ADAM10: variants seen among roughly 807,000 people sequenced by gnomAD.
The protein encoded by ADAM10 is disintegrin and metalloproteinase domain-containing protein 10.
ADAM10 carries 17 observed loss-of-function variants against 90.1 expected under a neutral mutation model. That is an observed-to-expected ratio of 0.19 (90% confidence interval 0.13 to 0.28). ADAM10 has a LOEUF of 0.28. Ranked by LOEUF, ADAM10 falls within the 10% of genes least tolerant of loss-of-function variation. ADAM10 has a pLI of 1.00. For synonymous variants in ADAM10, 310 were observed against 298.6 expected (o/e 1.04, Z -0.40); for missense variants, 610 against 914.3 (o/e 0.67, Z 4.29).
rs139846838 is a variant in ADAM10, at chr15:58,692,484, A to G, written c.207-10170T>C. 1.4e-3 allele frequency: 713 copies of G among 518,470 alleles called. 9 individuals are homozygous for G. The highest frequency in any genetic ancestry group is 0.012 in the African/African-American group (626 of 51,172). 32.1% of individuals were successfully genotyped at this position (518,470 alleles called of 1,614,324 possible). ...TCTTGGGCTTTTCTTTATCATCTTT[A>G]TCTTCCTCTTCTTTCTCACCTTTCT... On this transcript the variant is annotated intron_variant, in intron 2 of 15. Coordinates refer to ENST00000260408, the MANE Select transcript of ADAM10 (RefSeq NM_001110.4).
intron 4 of ADAM10, among the ~76,000 whole-genome samples, chr15:58,671,835 T>C (rs1342889659): frequency 6.6e-6 from 1 of 152,150 alleles, no homozygotes; most frequent in African/African-American, 2.4e-5. Flanking sequence ...CTTACTGTCA[T>C]TGTCTCTATT....
At chr15:58,713,420 T>G (rs1187413150) in intron 2 of ADAM10, among the ~76,000 whole-genome samples, 1 of 152,116 alleles carries the variant, frequency 6.6e-6, no homozygotes, top group African/African-American at 2.4e-5. Flanking sequence ...ACTCACTCAA[T>G]ATAACTAAAA....
intron 5 of ADAM10, among the ~76,000 whole-genome samples, chr15:58,654,178 G>C (rs535314882): frequency 6.6e-6 from 1 of 150,882 alleles, no homozygotes; most frequent in South Asian, 2.1e-4. Context: ...CTTTTATACT[G>C]TCTTCATTTC....
intron 1 of ADAM10, among the ~76,000 whole-genome samples, chr15:58,742,878 T>A (rs1899660527): frequency 1.3e-5 from 2 of 152,192 alleles, no homozygotes; most frequent in South Asian, 4.1e-4. Context: ...GGCAACATAG[T>A]GAGACCTCAT....
chr15:58,741,153 C>A (rs1004654009), intron 1 of ADAM10, among the ~76,000 whole-genome samples: 4 of 152,104 alleles, frequency 2.6e-5, no homozygotes, highest in Non-Finnish European at 5.9e-5. Context: ...TCAATACAAG[C>A]AAAAACAGAT....
At chr15:58,744,507 T>C (rs1442043031) in intron 1 of ADAM10, among the ~76,000 whole-genome samples, 2 of 152,226 alleles carry the variant, frequency 1.3e-5, no homozygotes, top group East Asian at 3.9e-4. Context: ...TCCACAATCA[T>C]CTAGAATAAA....
At chr15:58,636,452 T>C (rs964476925) in intron 8 of ADAM10, among the ~76,000 whole-genome samples, 1 of 152,214 alleles carries the variant, frequency 6.6e-6, no homozygotes, top group African/African-American at 2.4e-5. Context: ...TGAGGTATCA[T>C]ATATACCCAC....
intron 9 of ADAM10, among the ~76,000 whole-genome samples, chr15:58,632,247 G>T (rs1454684074): frequency 6.6e-6 from 1 of 152,154 alleles, no homozygotes; most frequent in Non-Finnish European, 1.5e-5. Flanking sequence ...TAATATCAAA[G>T]ATCGCTGTTA....
chr15:58,740,357 C>G (rs1899567100), intron 1 of ADAM10, among the ~76,000 whole-genome samples: 1 of 150,608 alleles, frequency 6.6e-6, no homozygotes, highest in African/African-American at 2.5e-5. Flanking sequence ...TGCAGTGAGC[C>G]AAGATCGCAC....
chr15:58,650,086 G>A (rs1158816766), intron 5 of ADAM10, among the ~76,000 whole-genome samples: 1 of 151,864 alleles, frequency 6.6e-6, no homozygotes, highest in Non-Finnish European at 1.5e-5. Flanking sequence ...AAGTTCTTTT[G>A]TTAATTTTCA....
At chr15:58,622,355 T>C (rs565428225) in intron 10 of ADAM10, among the ~76,000 whole-genome samples, 21 of 152,228 alleles carry the variant, frequency 1.4e-4, no homozygotes, top group Non-Finnish European at 2.8e-4. Context: ...GAATCAAGTT[T>C]CAAACCCAAG....
chr15:58,691,520 G>A (rs1343104842), intron 2 of ADAM10: 1 of 569,360 alleles, frequency 1.8e-6, no homozygotes, highest in Admixed American at 2.0e-5. Flanking sequence ...CAGACTGGAA[G>A]GTGTGAGACC....
At chr15:58,653,674 T>A (rs1896742497) in intron 5 of ADAM10, among the ~76,000 whole-genome samples, 1 of 152,216 alleles carries the variant, frequency 6.6e-6, no homozygotes, top group Admixed American at 6.5e-5. Context: ...CCTGTCATTT[T>A]CTTTTTTTGC....
intron 1 of ADAM10, among the ~76,000 whole-genome samples, chr15:58,729,757 A>G (rs1410533945): frequency 1.3e-5 from 2 of 152,198 alleles, no homozygotes; most frequent in Non-Finnish European, 2.9e-5. Context: ...TGAGGTCAGG[A>G]GTTTGAGACA....
chr15:58,746,029 T>C (rs1002489512), intron 1 of ADAM10, among the ~76,000 whole-genome samples: 8 of 152,114 alleles, frequency 5.3e-5, no homozygotes, highest in Non-Finnish European at 8.8e-5. Flanking sequence ...GAGGCCACCT[T>C]TGAGCTAATG....
intron 1 of ADAM10, among the ~76,000 whole-genome samples, chr15:58,728,235 A>C (rs192958708): frequency 2.0e-5 from 3 of 152,350 alleles, no homozygotes; most frequent in Admixed American, 2.0e-4. Flanking sequence ...TTCATGGGTC[A>C]AAGAAGAAAT....
intron 1 of ADAM10, among the ~76,000 whole-genome samples, chr15:58,721,817 CAGG>C (rs1479198827): frequency 6.6e-6 from 1 of 152,140 alleles, no homozygotes; most frequent in Non-Finnish European, 1.5e-5. Context: ...CGCTTGAGGT[CAGG>C]AGTTCAAGAC....
intron 1 of ADAM10, among the ~76,000 whole-genome samples, chr15:58,738,825 T>C (rs745958869): frequency 2.0e-5 from 3 of 152,240 alleles, no homozygotes; most frequent in Non-Finnish European, 4.4e-5. Context: ...ATTCTTTTTT[T>C]CTGAACCTGT....
At chr15:58,637,213 T>C (rs1896280109) in intron 8 of ADAM10, among the ~76,000 whole-genome samples, 1 of 152,226 alleles carries the variant, frequency 6.6e-6, no homozygotes, top group African/African-American at 2.4e-5. Context: ...CAGAAGAGAC[T>C]ATTTCTACCA....
Sources: allele counts gnomAD v4.1 joint callset (sites outside exome capture counted in the v4.1 genomes callset), GRCh38; gene constraint gnomAD v4.1.1; transcripts MANE v1.5; gene names NCBI Gene and HGNC (gene_info 2026-07-23, HGNC 2026-07-21).